THSD7B: variants seen among roughly 807,000 people sequenced by gnomAD.
The protein encoded by THSD7B is thrombospondin type 1 domain containing 7B.
THSD7B carries 138 observed loss-of-function variants against 213.6 expected under a neutral mutation model. The observed-to-expected ratio is 0.65, with a 90% confidence interval of 0.56 to 0.74. The LOEUF is 0.74. Among genes scored for constraint, THSD7B ranks in the 30% least tolerant of loss-of-function variants. The pLI, the probability that THSD7B is intolerant of heterozygous loss-of-function variation, is 0.00. For synonymous variants in THSD7B, 742 were observed against 687.0 expected (o/e 1.08, Z -1.25); for missense variants, 1,931 against 1,991.5 (o/e 0.97, Z 0.58).
At chr2:136,940,379 A>T (rs1015821991) in intron 2 of THSD7B, among the ~76,000 whole-genome samples, 8 of 152,286 alleles carry the variant, frequency 5.3e-5, no homozygotes, top group African/African-American at 1.7e-4. Context: ...TCCATGGTAT[A>T]TGTATACCAC....
intron 5 of THSD7B, among the ~76,000 whole-genome samples, chr2:137,148,385 C>T (rs1327753164): frequency 6.6e-6 from 1 of 152,120 alleles, no homozygotes; most frequent in Non-Finnish European, 1.5e-5. Context: ...AAAACTGGTA[C>T]TGCAGAGAGT....
At chr2:137,252,911 C>CTTTTT (rs754932566) in intron 10 of THSD7B, among the ~76,000 whole-genome samples, 498 of 80,274 alleles carry the variant, frequency 6.2e-3, no homozygotes, top group East Asian at 8.0e-3. Flanking sequence ...AAAAGGCTTG[C>CTTTTT]TTTTTTTTTT....
chr2:137,211,350 A>ACACACACACACACACACACAAAGAGG (rs377696115), intron 7 of THSD7B, among the ~76,000 whole-genome samples: 1 of 138,878 alleles, frequency 7.2e-6, no homozygotes, highest in African/African-American at 2.6e-5. Flanking sequence ...ACACACACAC[A>ACACACACACACACACACACAAAGAGG]CACACACACA....
chr2:137,546,482 T>C (rs1680742020), intron 15 of THSD7B, among the ~76,000 whole-genome samples: 1 of 76,912 alleles, frequency 1.3e-5, no homozygotes, highest in African/African-American at 5.6e-5. Flanking sequence ...ATATATAATA[T>C]ATATATATAT....
intron 15 of THSD7B, among the ~76,000 whole-genome samples, chr2:137,482,443 G>A (rs1467939565): frequency 6.6e-6 from 1 of 152,140 alleles, no homozygotes; most frequent in Non-Finnish European, 1.5e-5. Context: ...TGTGCCCTGT[G>A]GGTCTCCAAT....
intron 12 of THSD7B, among the ~76,000 whole-genome samples, chr2:137,317,421 T>C (rs1040350348): frequency 1.3e-5 from 2 of 152,226 alleles, no homozygotes; most frequent in African/African-American, 4.8e-5. Context: ...TGAAATATGG[T>C]AACTGGACTA....
At chr2:137,225,347 T>A (rs1257194379) in intron 7 of THSD7B, among the ~76,000 whole-genome samples, 1 of 152,194 alleles carries the variant, frequency 6.6e-6, no homozygotes, top group East Asian at 1.9e-4. Flanking sequence ...CTGGGCTTGC[T>A]CCCCCAGTGC....
At chr2:136,771,991 T>A (rs1681514976) in intron 1 of THSD7B, among the ~76,000 whole-genome samples, 1 of 152,152 alleles carries the variant, frequency 6.6e-6, no homozygotes, top group Admixed American at 6.5e-5. Context: ...AATTTGTTTG[T>A]CTAATCCTCA....
intron 12 of THSD7B, among the ~76,000 whole-genome samples, chr2:137,315,347 T>A (rs1179730628): frequency 6.6e-6 from 1 of 152,172 alleles, no homozygotes; most frequent in Admixed American, 6.5e-5. Flanking sequence ...AGTGAGGCAA[T>A]GCCTCGCCCT....
At chr2:137,165,597 A>G (rs913606497) in intron 6 of THSD7B, among the ~76,000 whole-genome samples, 1 of 152,162 alleles carries the variant, frequency 6.6e-6, no homozygotes, top group Non-Finnish European at 1.5e-5. Context: ...AGAATTCTAC[A>G]GAAGCTGGGG....
At chr2:136,898,921 G>A (rs1169113374) in intron 2 of THSD7B, among the ~76,000 whole-genome samples, 1 of 152,104 alleles carries the variant, frequency 6.6e-6, no homozygotes, top group Non-Finnish European at 1.5e-5. Flanking sequence ...GATTACAGGT[G>A]TGAGCCACTG....
chr2:137,505,044 G>A (rs578005199), intron 15 of THSD7B, among the ~76,000 whole-genome samples: 1 of 151,966 alleles, frequency 6.6e-6, no homozygotes, highest in Admixed American at 6.6e-5. Context: ...GAGAAAAGGA[G>A]GGAGGGAGGG....
intron 15 of THSD7B, among the ~76,000 whole-genome samples, chr2:137,557,667 G>C (rs1045789003): frequency 6.6e-6 from 1 of 152,020 alleles, no homozygotes; most frequent in African/African-American, 2.4e-5. Context: ...AGAAAAGCAA[G>C]AGCAAACACA....
chr2:137,177,288 A>G (rs1680376451), intron 7 of THSD7B, among the ~76,000 whole-genome samples: 1 of 152,136 alleles, frequency 6.6e-6, no homozygotes, highest in Non-Finnish European at 1.5e-5. Flanking sequence ...TTTTTCAACT[A>G]TTGAGTCATG....
At chr2:136,787,013 A>G (rs1377656735) in intron 1 of THSD7B, among the ~76,000 whole-genome samples, 2 of 152,324 alleles carry the variant, frequency 1.3e-5, no homozygotes, top group East Asian at 3.9e-4. Context: ...TTGGTGGCCA[A>G]GACACACAAG....
chr2:137,584,425 G>A (rs1681666941), intron 17 of THSD7B, among the ~76,000 whole-genome samples: 1 of 152,136 alleles, frequency 6.6e-6, no homozygotes. Flanking sequence ...GTTTTCAAAG[G>A]GAATGCTTCC....
chr2:137,387,281 G>T (rs1205309953), intron 12 of THSD7B, among the ~76,000 whole-genome samples: 1 of 152,172 alleles, frequency 6.6e-6, no homozygotes, highest in African/African-American at 2.4e-5. Flanking sequence ...TTGTCTGAGT[G>T]GCTTACCTCA....
chr2:137,096,255 C>T (rs1337760401), intron 4 of THSD7B, among the ~76,000 whole-genome samples: 4 of 152,112 alleles, frequency 2.6e-5, no homozygotes, highest in Non-Finnish European at 1.5e-5. Context: ...AAACTCATTT[C>T]TGCAGCCAAA....
intron 2 of THSD7B, among the ~76,000 whole-genome samples, chr2:137,017,233 C>T (rs989393156): frequency 2.0e-5 from 3 of 151,578 alleles, no homozygotes; most frequent in Non-Finnish European, 4.4e-5. Flanking sequence ...AAACAGCAAA[C>T]ATGGAATAGG....
Sources: allele counts gnomAD v4.1 joint callset (sites outside exome capture counted in the v4.1 genomes callset), GRCh38; gene constraint gnomAD v4.1.1; transcripts MANE v1.5; gene names NCBI Gene and HGNC (gene_info 2026-07-23, HGNC 2026-07-21).